The following FRMPD4 variants were observed in gnomAD, a reference collection of about 807,000 sequenced individuals.
The protein encoded by FRMPD4 is FERM and PDZ domain containing 4.
Under a neutral mutation model 94.1 loss-of-function variants are expected in FRMPD4, and 22 were observed. The observed-to-expected ratio is 0.23, with a 90% CI of 0.17 to 0.33. The LOEUF (loss-of-function observed/expected upper bound fraction) is 0.33, where lower values mean the gene tolerates loss of function less well. Ranked by LOEUF, FRMPD4 falls within the 10% of genes least tolerant of loss-of-function variation. FRMPD4 has a pLI of 1.00. For synonymous variants in FRMPD4, 631 were observed against 548.6 expected, an observed-to-expected ratio of 1.15 and a Z score of -2.10; for missense variants, 1,111 against 1,339.9, an observed-to-expected ratio of 0.83 and a Z score of 2.67.
rs760070964 is a variant in FRMPD4 at position 12,409,268 on chromosome X, T to C, written c.42-89412T>C. Among the ~76,000 whole-genome samples, 7 of 111,682 alleles carry C rather than the reference T, an allele frequency of 6.3e-5. No homozygotes were observed. The South Asian group carries it at 2.7e-3, about 42-fold the overall frequency. ...TTGTGGAGACCTTGTTGGGGGCAGG[T>C]CACTACTGGCATCTAGTGACTAGAT... On this transcript the variant is annotated intron_variant, in intron 1 of 16. Coordinates refer to ENST00000675598, the MANE Select transcript of FRMPD4 (RefSeq NM_001368397.1).
In FRMPD4 at chrX:12,302,443, G is replaced by A. The variant is rs1371967207; in HGVS notation, c.41+163431G>A. 6.3e-5 allele frequency among the ~76,000 whole-genome samples: 7 copies of A among 111,592 alleles called. No individual in the cohort carries two copies. The East Asian group carries it at 2.0e-3, about 31-fold the overall frequency. On this transcript the variant is annotated intron_variant, in intron 1 of 16. Coordinates refer to ENST00000675598, the MANE Select transcript of FRMPD4 (RefSeq NM_001368397.1). ...GTGTCAGGTACTGCTTAAGCATATA[G>A]CATACAATATCTCAATACTCACAAT...
intron 1 of FRMPD4, among the ~76,000 whole-genome samples, chrX:12,263,030 A>G (rs1371894618): frequency 9.0e-6 from 1 of 111,473 alleles, no homozygotes; most frequent in Non-Finnish European, 1.9e-5. Flanking sequence ...TTATTTTGTT[A>G]TTTCTACAAG....
At chrX:12,590,283 C>T (rs2058970262) in intron 2 of FRMPD4, among the ~76,000 whole-genome samples, 1 of 112,026 alleles carries the variant, frequency 8.9e-6, no homozygotes, top group Non-Finnish European at 1.9e-5. Flanking sequence ...TGCTAATTAT[C>T]GACATTGCAT....
intron 1 of FRMPD4, among the ~76,000 whole-genome samples, chrX:12,339,619 A>ATTT (rs767456295): frequency 6.9e-5 from 7 of 101,869 alleles, no homozygotes; most frequent in African/African-American, 2.2e-4. Flanking sequence ...AGTTTAATGA[A>ATTT]TTTTTTTTTT....
chrX:12,689,571 C>G (rs5935385), intron 7 of FRMPD4, among the ~76,000 whole-genome samples: 3 of 111,238 alleles, frequency 2.7e-5, no homozygotes, highest in Non-Finnish European at 5.7e-5. Flanking sequence ...TTCTTAGCCC[C>G]TATTCCTTAC....
chrX:12,654,957 G>A (rs779371657), intron 4 of FRMPD4, among the ~76,000 whole-genome samples: 2 of 111,937 alleles, frequency 1.8e-5, no homozygotes, highest in Non-Finnish European at 1.9e-5. Flanking sequence ...ATTTGATCTC[G>A]GTTTTCTCAT....
intron 3 of FRMPD4, among the ~76,000 whole-genome samples, chrX:12,079,434 TAC>T (rs1230134407): frequency 9.0e-6 from 1 of 111,228 alleles, no homozygotes; most frequent in Non-Finnish European, 1.9e-5. Flanking sequence ...AGATGAAAGA[TAC>T]AGTTATTTTA....
At chrX:12,645,347 C>CTTTTTTTTTTTTTTTTTTTTTT (rs138817056) in intron 4 of FRMPD4, among the ~76,000 whole-genome samples, 4 of 55,642 alleles carry the variant, frequency 7.2e-5, no homozygotes, top group African/African-American at 3.4e-4. Context: ...CACTCTCACT[C>CTTTTTTTTTTTTTTTTTTTTTT]TTTTTTTTTT....
chrX:12,592,767 A>G (rs1569354518), intron 2 of FRMPD4, among the ~76,000 whole-genome samples: 2 of 111,949 alleles, frequency 1.8e-5, no homozygotes, highest in African/African-American at 6.5e-5. Flanking sequence ...AACTCACTGG[A>G]GGGTTTTTAT....
At chrX:11,999,393 A>C (rs907861524) in intron 3 of FRMPD4, among the ~76,000 whole-genome samples, 2 of 112,367 alleles carry the variant, frequency 1.8e-5, no homozygotes, top group East Asian at 5.5e-4. Flanking sequence ...CAAGAAGGAA[A>C]GAGATCTAGA....
chrX:11,998,223 A>G (rs986660535), intron 3 of FRMPD4, among the ~76,000 whole-genome samples: 2 of 111,569 alleles, frequency 1.8e-5, no homozygotes, highest in Non-Finnish European at 3.8e-5. Flanking sequence ...CAGATAGTTT[A>G]TGTGTAACTC....
chrX:11,856,983 A>G (rs1398751012), intron 1 of FRMPD4, among the ~76,000 whole-genome samples: 1 of 111,877 alleles, frequency 8.9e-6, no homozygotes, highest in Non-Finnish European at 1.9e-5. Context: ...TAAAATGCCT[A>G]GGAATACAGC....
At chrX:12,398,884 CTG>C (rs763289176) in intron 1 of FRMPD4, among the ~76,000 whole-genome samples, 1 of 111,540 alleles carries the variant, frequency 9.0e-6, no homozygotes, top group Admixed American at 9.5e-5. Flanking sequence ...CATGAATGTT[CTG>C]TGTTTTTCAG....
chrX:12,706,923 C>CTTTTTTTTT lies in FRMPD4; in HGVS notation c.1287+18_1287+26dup. On this transcript the variant is annotated intron_variant, in intron 12 of 16. Coordinates refer to ENST00000675598, the MANE Select transcript of FRMPD4 (RefSeq NM_001368397.1). ...TTCAAGGCAACATTAGTGGTAATTT[C>CTTTTTTTTT]TTTTTTTTTTTTTTTTTTGCTTTCT... 2 of 611,970 alleles carry CTTTTTTTTT rather than the reference C, an allele frequency of 3.3e-6. No homozygotes were observed. The highest frequency in any genetic ancestry group is 3.3e-5 in the South Asian group (1 of 29,975). The allele number at this position is 611,970 out of a possible 1,213,427, so 50.4% of individuals were successfully genotyped here. A position where few individuals can be genotyped will look rare whatever the true frequency, so the allele number is the denominator to read the frequency against.
intron 1 of FRMPD4, among the ~76,000 whole-genome samples, chrX:12,237,011 A>T (rs1041796814): frequency 8.9e-6 from 1 of 111,919 alleles, no homozygotes; most frequent in African/African-American, 3.2e-5. Flanking sequence ...CCCACAGCAA[A>T]GTATTAGCCT....
At chrX:12,151,203 A>G (rs888694186) in intron 1 of FRMPD4, among the ~76,000 whole-genome samples, 2 of 111,135 alleles carry the variant, frequency 1.8e-5, no homozygotes, top group Non-Finnish European at 3.8e-5. Context: ...TAGTAAGGTT[A>G]AAAAAAACTT....
At position 11,993,778 on chromosome X, in the gene FRMPD4, A is replaced by G. The variant is rs144974560; in HGVS notation, c.95+115760A>G. Among the ~76,000 whole-genome samples, 721 of 112,030 alleles carry G rather than the reference A, an allele frequency of 6.4e-3. 4 individuals are homozygous for G. Among genetic ancestry groups the G allele is most frequent in the African/African-American group, 0.023 (698 of 30,871 alleles). On this transcript the variant is annotated intron_variant, in intron 3 of 18. Coordinates refer to the FRMPD4 transcript ENST00000640291. ...TAATTTCAAGAGCTACAATGAGTTT[A>G]AAGGAATACAGTCAGTTTTTTGCTC...
chrX:12,109,414 A>T (rs2055333660), intron 3 of FRMPD4, among the ~76,000 whole-genome samples: 1 of 112,258 alleles, frequency 8.9e-6, no homozygotes, highest in East Asian at 2.8e-4. Flanking sequence ...TCTGGGACAC[A>T]TTTAAAGCAG....
chrX:12,703,994 A>G (rs1049737918), intron 10 of FRMPD4, among the ~76,000 whole-genome samples: 1 of 112,051 alleles, frequency 8.9e-6, no homozygotes, highest in African/African-American at 3.3e-5. Context: ...TGGAGAATAG[A>G]AATCAACAAA....
Sources: gnomAD v4.1 joint callset for allele counts (sites outside exome capture counted in the v4.1 genomes callset) on GRCh38, gnomAD v4.1.1 for gene constraint, MANE v1.5 for transcripts, NCBI Gene and HGNC (gene_info 2026-07-23, HGNC 2026-07-21) for gene names.